The following ABTB3 variants were observed in gnomAD, a reference collection of about 807,000 sequenced individuals.
ABTB3 encodes ankyrin repeat and BTB domain containing 3.
At chr12:107,359,709 A>C in the ABTB3 span, among the ~76,000 whole-genome samples, 2 of 152,126 alleles carry the variant, frequency 1.3e-5, no homozygotes, top group Non-Finnish European at 2.9e-5. Flanking sequence ...GGTGCTGTGC[A>C]GACCTCATTT....
the ABTB3 span, among the ~76,000 whole-genome samples, chr12:107,473,888 G>A: frequency 3.3e-5 from 5 of 150,764 alleles, no homozygotes; most frequent in African/African-American, 7.3e-5. Context: ...TGCAACCTCC[G>A]TCTCCCAGAT....
At chr12:107,547,223 AG>A in the ABTB3 span, among the ~76,000 whole-genome samples, 2 of 130,104 alleles carry the variant, frequency 1.5e-5, no homozygotes, top group East Asian at 2.6e-4. Flanking sequence ...GAGAAGGGGG[AG>A]GGGGAGGGGG....
the ABTB3 span, among the ~76,000 whole-genome samples, chr12:107,502,944 G>A: frequency 5.9e-5 from 9 of 152,200 alleles, no homozygotes; most frequent in Non-Finnish European, 1.2e-4. Context: ...AAATTATAGT[G>A]TCTTGACAGA....
At chr12:107,395,781 C>T in the ABTB3 span, among the ~76,000 whole-genome samples, 2 of 152,212 alleles carry the variant, frequency 1.3e-5, no homozygotes, top group African/African-American at 2.4e-5. Context: ...CCTTCTGCCA[C>T]GCTCTGTCCC....
the ABTB3 span, among the ~76,000 whole-genome samples, chr12:107,634,065 C>A: frequency 6.6e-6 from 1 of 152,206 alleles, no homozygotes; most frequent in Non-Finnish European, 1.5e-5. Context: ...CTTTGTCCTT[C>A]AACTATGATT....
At chr12:107,387,886 A>G in the ABTB3 span, among the ~76,000 whole-genome samples, 5 of 151,914 alleles carry the variant, frequency 3.3e-5, no homozygotes, top group East Asian at 9.7e-4. Context: ...TCCACCAAAT[A>G]GTGAAGACTC....
chr12:107,622,086 C>CA, the ABTB3 span, among the ~76,000 whole-genome samples: 24,530 of 151,924 alleles, frequency 0.16, 2,992 homozygotes, highest in African/African-American at 0.34. Context: ...ACAAGAAATA[C>CA]AAAAAAATAG....
the ABTB3 span, among the ~76,000 whole-genome samples, chr12:107,536,686 C>T: frequency 1.3e-5 from 2 of 152,168 alleles, no homozygotes; most frequent in Non-Finnish European, 2.9e-5. Flanking sequence ...ACTGAGATAT[C>T]TCACCCCAGT....
the ABTB3 span, among the ~76,000 whole-genome samples, chr12:107,500,112 A>G: frequency 6.6e-6 from 1 of 152,152 alleles, no homozygotes; most frequent in African/African-American, 2.4e-5. Flanking sequence ...GGCGATTACA[A>G]TTTGAGATGA....
chr12:107,478,704 A>C, the ABTB3 span, among the ~76,000 whole-genome samples: 3 of 152,136 alleles, frequency 2.0e-5, no homozygotes, highest in South Asian at 6.2e-4. Context: ...CAACTAGTAT[A>C]TTTCACGTGC....
chr12:107,340,669 T>C, the ABTB3 span, among the ~76,000 whole-genome samples: 1 of 151,826 alleles, frequency 6.6e-6, no homozygotes, highest in African/African-American at 2.4e-5. Flanking sequence ...CCTTGGAGAA[T>C]CGATTAAGTG....
chr12:107,582,687 T>C, the ABTB3 span, among the ~76,000 whole-genome samples: 6 of 152,332 alleles, frequency 3.9e-5, no homozygotes, highest in Non-Finnish European at 8.8e-5. Context: ...TTGGGAACCA[T>C]TGGTGGAGCA....
the ABTB3 span, among the ~76,000 whole-genome samples, chr12:107,412,556 C>A: frequency 1.4e-4 from 21 of 152,156 alleles, no homozygotes; most frequent in African/African-American, 5.1e-4. Flanking sequence ...TTTCACAGGT[C>A]CGAAAACTGG....
At chr12:107,613,806 C>T in the ABTB3 span, among the ~76,000 whole-genome samples, 5 of 152,154 alleles carry the variant, frequency 3.3e-5, no homozygotes, top group South Asian at 8.3e-4. Flanking sequence ...AACTCGGCAA[C>T]CCTGGGAAAC....
the ABTB3 span, chr12:107,580,700 G>A: frequency 1.2e-6 from 1 of 834,820 alleles, no homozygotes; most frequent in Non-Finnish European, 1.8e-6. Context: ...GGAAGGGAGT[G>A]CTAGCGGACA....
chr12:107,456,744 C>A, the ABTB3 span, among the ~76,000 whole-genome samples: 1 of 152,182 alleles, frequency 6.6e-6, no homozygotes, highest in Non-Finnish European at 1.5e-5. Flanking sequence ...AGATCAGGGA[C>A]CGCTGATGTA....
the ABTB3 span, among the ~76,000 whole-genome samples, chr12:107,416,187 G>A: frequency 5.3e-5 from 8 of 152,218 alleles, no homozygotes; most frequent in Non-Finnish European, 1.0e-4. Context: ...TGCCAGATGT[G>A]TTTGTTGAAG....
the ABTB3 span, among the ~76,000 whole-genome samples, chr12:107,535,269 G>T: frequency 6.6e-6 from 1 of 151,986 alleles, no homozygotes; most frequent in Non-Finnish European, 1.5e-5. Context: ...AGGCATAGAA[G>T]GAAAAAACCT....
At chr12:107,376,976 A>G in the ABTB3 span, among the ~76,000 whole-genome samples, 1 of 152,100 alleles carries the variant, frequency 6.6e-6, no homozygotes, top group African/African-American at 2.4e-5. Flanking sequence ...TTTTCAATGA[A>G]GAAAAAGCGT....
Sources: gnomAD v4.1 joint callset for allele counts (sites outside exome capture counted in the v4.1 genomes callset) on GRCh38, gnomAD v4.1.1 for gene constraint, MANE v1.5 for transcripts, NCBI Gene and HGNC (gene_info 2026-07-23, HGNC 2026-07-21) for gene names.